CRIM1: variants seen among roughly 807,000 people sequenced by gnomAD.
CRIM1 encodes the protein cysteine rich transmembrane BMP regulator 1.
A neutral mutation model predicts 116.4 loss-of-function variants in CRIM1; 32 were observed. That is an observed-to-expected ratio of 0.27 (90% CI 0.21 to 0.37). The LOEUF (loss-of-function observed/expected upper bound fraction) is 0.37, where lower values mean the gene tolerates loss of function less well. Among genes scored for constraint, CRIM1 ranks in the 10% least tolerant of loss-of-function variants. The pLI is 1.00. For synonymous variants in CRIM1, 590 were observed against 509.2 expected (o/e 1.16, Z -2.13); for missense variants, 1,331 against 1,354.8 (o/e 0.98, Z 0.28).
chr2:36,537,278 T>C (rs1666614019), intron 13 of CRIM1, 74 bp from the exon 14 acceptor site: 7 of 1,361,832 alleles, frequency 5.1e-6, no homozygotes, highest in Non-Finnish European at 6.2e-6. Context: ...AGCTATCCCT[T>C]GATCTCTCAC....
At chr2:36,409,488 G>A (rs1673054902) in intron 2 of CRIM1, among the ~76,000 whole-genome samples, 1 of 152,186 alleles carries the variant, frequency 6.6e-6, no homozygotes, top group African/African-American at 2.4e-5. Context: ...GCTCACTTGG[G>A]GAGGATTGTC....
At chr2:36,534,129 G>A (rs1244700705) in intron 13 of CRIM1, among the ~76,000 whole-genome samples, 14 of 138,722 alleles carry the variant, frequency 1.0e-4, no homozygotes, top group African/African-American at 3.5e-4. Flanking sequence ...GGAAAGGAGG[G>A]AAGAATGAGG....
At chr2:36,484,131 T>C (rs11886960) in intron 7 of CRIM1, among the ~76,000 whole-genome samples, 110 of 152,280 alleles carry the variant, frequency 7.2e-4, no homozygotes, top group African/African-American at 2.5e-3. Context: ...TGTGGTTTAT[T>C]CTGTCCCAGT....
At chr2:36,479,456 G>A (rs1327543752) in intron 6 of CRIM1, 41 bp from the exon 7 acceptor site, 2 of 1,592,504 alleles carry the variant, frequency 1.3e-6, no homozygotes, top group East Asian at 4.5e-5. Flanking sequence ...ATAAGATTTA[G>A]AAGATGCTCA....
intron 1 of CRIM1, among the ~76,000 whole-genome samples, chr2:36,373,306 C>T (rs1162650021): frequency 6.6e-6 from 1 of 152,156 alleles, no homozygotes; most frequent in Non-Finnish European, 1.5e-5. Context: ...TGCCCATCAG[C>T]CTGTAAGCCA....
intron 2 of CRIM1, among the ~76,000 whole-genome samples, chr2:36,430,810 G>T (rs150788341): frequency 4.6e-5 from 7 of 152,248 alleles, no homozygotes; most frequent in African/African-American, 1.7e-4. Context: ...TCTAAACACT[G>T]GGAGATCTTT....
At chr2:36,379,247 G>T (rs1293637611) in intron 1 of CRIM1, 1 of 152,130 alleles carries the variant, frequency 6.6e-6, no homozygotes, top group Non-Finnish European at 1.5e-5. Context: ...TGTGGTTCTT[G>T]TGTGGCAAAA....
chr2:36,441,621 G>T, intron 3 of CRIM1, 121 bp downstream of exon 3: 1 of 1,290,332 alleles, frequency 7.7e-7, no homozygotes, highest in Non-Finnish European at 1.1e-6. Context: ...GGTGTCCTGT[G>T]AATCTGCCAC....
chr2:36,544,037 C>T (rs1232358911), intron 14 of CRIM1, among the ~76,000 whole-genome samples: 1 of 152,236 alleles, frequency 6.6e-6, no homozygotes, highest in African/African-American at 2.4e-5. Flanking sequence ...TAAACACCAA[C>T]ATTTATTAGC....
chr2:36,537,652 A>G (rs1572957746), intron 14 of CRIM1, 106 bp downstream of exon 14: 1 of 1,272,698 alleles, frequency 7.9e-7, no homozygotes, highest in East Asian at 2.6e-5. Context: ...ACACGGCCCA[A>G]GTAGCGTGTC....
At chr2:36,538,086 C>T (rs958546633) in intron 14 of CRIM1, among the ~76,000 whole-genome samples, 3 of 152,186 alleles carry the variant, frequency 2.0e-5, no homozygotes, top group South Asian at 2.1e-4. Flanking sequence ...CCACACTTAA[C>T]GCAACCACTG....
intron 5 of CRIM1, among the ~76,000 whole-genome samples, chr2:36,465,700 G>C (rs1481658947): frequency 2.0e-5 from 3 of 152,146 alleles, no homozygotes; most frequent in African/African-American, 7.2e-5. Flanking sequence ...ACACAGACTA[G>C]AATTAATAAC....
At chr2:36,490,322 G>T (rs775572008) in intron 7 of CRIM1, among the ~76,000 whole-genome samples, 4 of 152,174 alleles carry the variant, frequency 2.6e-5, no homozygotes, top group African/African-American at 4.8e-5. Flanking sequence ...ATATTGTGAG[G>T]TAGAAATAAT....
intron 8 of CRIM1, among the ~76,000 whole-genome samples, chr2:36,506,012 A>G (rs1681365550): frequency 6.6e-6 from 1 of 152,016 alleles, no homozygotes; most frequent in African/African-American, 2.4e-5. Context: ...TTATTCACTC[A>G]TTTATTTTCC....
chr2:36,380,813 G>T (rs536789843), intron 1 of CRIM1, among the ~76,000 whole-genome samples: 25 of 152,322 alleles, frequency 1.6e-4, no homozygotes, highest in African/African-American at 6.0e-4. Flanking sequence ...AGTTTCTTCA[G>T]AAAAGCACCT....
chr2:36,387,955 C>CT (rs756870840), intron 1 of CRIM1, among the ~76,000 whole-genome samples: 402 of 139,092 alleles, frequency 2.9e-3, no homozygotes, highest in East Asian at 0.012. Context: ...TTAGTTCATT[C>CT]TTTTTTTTTT....
intron 1 of CRIM1, among the ~76,000 whole-genome samples, chr2:36,395,499 T>C (rs1671955459): frequency 6.6e-6 from 1 of 152,198 alleles, no homozygotes; most frequent in Non-Finnish European, 1.5e-5. Context: ...AAACCCCATA[T>C]AATGGCCCAA....
At chr2:36,362,518 G>A (rs924703241) in intron 1 of CRIM1, among the ~76,000 whole-genome samples, 2 of 152,134 alleles carry the variant, frequency 1.3e-5, no homozygotes, top group Non-Finnish European at 2.9e-5. Flanking sequence ...TTTTCTCTTT[G>A]TTCTAGCTTG....
chr2:36,429,526 G>T (rs1012736357), intron 2 of CRIM1, among the ~76,000 whole-genome samples: 4 of 152,160 alleles, frequency 2.6e-5, no homozygotes, highest in African/African-American at 9.7e-5. Flanking sequence ...CATCAAGACT[G>T]TCGCTGTCCT....
Sources: allele counts gnomAD v4.1 joint callset (sites outside exome capture counted in the v4.1 genomes callset), GRCh38; gene constraint gnomAD v4.1.1; transcripts MANE v1.5; gene names NCBI Gene and HGNC (gene_info 2026-07-23, HGNC 2026-07-21).